Variants in YARS1 observed in about 807,000 individuals in gnomAD.
YARS1 encodes the protein tyrosyl-tRNA synthetase 1.
In YARS1, 36 loss-of-function variants were observed where a neutral mutation model predicts 62.2. The observed-to-expected ratio is 0.58, with a 90% CI of 0.44 to 0.76. The LOEUF (loss-of-function observed/expected upper bound fraction) is 0.76, where lower values mean the gene tolerates loss of function less well. Ranked by LOEUF, YARS1 falls within the 30% of genes least tolerant of loss-of-function variation. The pLI is 0.00. For synonymous variants in YARS1, 234 were observed against 244.9 expected (o/e 0.96, Z 0.42); for missense variants, 524 against 639.8 (o/e 0.82, Z 1.95).
intron 5 of YARS1, among the ~76,000 whole-genome samples, chr1:32,795,383 A>T (rs534184758): frequency 6.6e-6 from 1 of 152,354 alleles, no homozygotes; most frequent in East Asian, 1.9e-4. Flanking sequence ...GGAAAAATGT[A>T]GTAAAACTGT....
chr1:32,796,374 T>C (rs912770760), intron 5 of YARS1, among the ~76,000 whole-genome samples: 16 of 151,662 alleles, frequency 1.1e-4, no homozygotes, highest in African/African-American at 3.4e-4. Flanking sequence ...CTTTTTTGTT[T>C]TTTTTTTCAG....
At chr1:32,796,153 G>C (rs1168602740) in intron 5 of YARS1, among the ~76,000 whole-genome samples, 1 of 151,756 alleles carries the variant, frequency 6.6e-6, no homozygotes, top group East Asian at 1.9e-4. Flanking sequence ...AAATTAGCCG[G>C]GTGTGGTGGC....
Position 32,786,440 on chromosome 1 carries a change from C to T in YARS1, c.828G>A (p.Val276=). ...HVLFPLKSEF[V]ILRDEKWGGN... ...CACCCCATTTCTCATCTCGTAGGAT[C>T]ACAAACTCTATAAGGAAAAGGATCC... Residue 276 remains valine, a synonymous_variant, in exon 8 of 13, where the codon GTG becomes GTA. Transcript: ENST00000373477. 1 of 1,613,644 alleles carries T rather than the reference C, an allele frequency of 6.2e-7. No individual in the cohort carries two copies.
In YARS1 at chr1:32,782,706, C is replaced by T. The variant is rs556722207; in HGVS notation, c.907-167G>A. ...GGGAAAATACATTCAGAAAGACTAA[C>T]GTGTCCAAAATCCAAGTCTTTTGAT... On this transcript the variant is annotated intron_variant, in intron 8 of 12. Transcript: ENST00000373477. 5.7e-5 allele frequency: 49 copies of T among 857,328 alleles called. 1 individual carries two copies. The highest frequency in any genetic ancestry group is 3.7e-4 in the African/African-American group (22 of 59,130). 53.1% of individuals were successfully genotyped at this position (857,328 alleles called of 1,614,324 possible). A position where few individuals can be genotyped will look rare whatever the true frequency, so the allele number is the denominator to read the frequency against.
At chr1:32,793,621 CA>C (rs1302829339) in intron 5 of YARS1, among the ~76,000 whole-genome samples, 1 of 152,072 alleles carries the variant, frequency 6.6e-6, no homozygotes, top group Non-Finnish European at 1.5e-5. Context: ...CTGGGCAATG[CA>C]AGCAAGACCC....
chr1:32,781,697 T>C (rs1367817596), intron 9 of YARS1: 1 of 166,560 alleles, frequency 6.0e-6, no homozygotes, highest in Non-Finnish European at 1.3e-5. Context: ...AGAAGGAAAC[T>C]GGGAGAATCT....
rs1296510587 is a variant in YARS1 at position 32,817,177 on chromosome 1, C to G, written c.57+11G>C. On this transcript the variant is annotated intron_variant, in intron 1 of 12. Transcript: ENST00000373477. ...ATCCCCAACGGCGCATTTCCAACCC[C>G]CAGGCCTGACCTGCAGGTTCCGGGT... 7 of 1,614,038 alleles carry G rather than the reference C, an allele frequency of 4.3e-6. No homozygotes were observed. The highest frequency in any genetic ancestry group is 5.9e-6 in the Non-Finnish European group (7 of 1,179,978).
chr1:32,801,266 C>G (rs1010538540), intron 4 of YARS1, among the ~76,000 whole-genome samples: 2 of 151,540 alleles, frequency 1.3e-5, no homozygotes, highest in African/African-American at 4.9e-5. Flanking sequence ...AGGCATACCT[C>G]AGCGATACTG....
rs1333458547 is a variant in YARS1, at chr1:32,806,494, G to T, written c.498C>A (p.Tyr166Ter). Reference protein sequence around the residue: ...VEHPLLSGLLYPGLQALDEEY... With the variant: ...VEHPLLSGLL ...CCCCCTTAAGTACCTGCAGTCCGGG[G>T]TATAAGAGGCCACTCAGCAAAGGGT... Residue 166 changes from tyrosine (Y) to a stop codon, truncating the protein, a stop_gained, in exon 4 of 13, where the codon TAC becomes TAA. Coordinates refer to ENST00000373477, the MANE Select transcript of YARS1 (RefSeq NM_003680.4). LOFTEE classifies it high-confidence loss of function. 2 of 1,614,094 alleles carry T rather than the reference G, an allele frequency of 1.2e-6. No individual in the cohort carries two copies. Among genetic ancestry groups the T allele is most frequent in the Non-Finnish European group, 1.7e-6 (2 of 1,180,002 alleles).
chr1:32,782,863 C>T (rs1380404748), intron 8 of YARS1: 10 of 352,386 alleles, frequency 2.8e-5, no homozygotes, highest in East Asian at 1.4e-4. Flanking sequence ...GAAACATTCA[C>T]ATAGGTAACC....
At chr1:32,802,426 T>A (rs1342145744) in intron 4 of YARS1, among the ~76,000 whole-genome samples, 1 of 152,166 alleles carries the variant, frequency 6.6e-6, no homozygotes, top group East Asian at 1.9e-4. Flanking sequence ...TGGATCCTTT[T>A]CAGAGGTTTT....
chr1:32,805,612 C>A (rs368100228), intron 4 of YARS1, among the ~76,000 whole-genome samples: 1 of 152,158 alleles, frequency 6.6e-6, no homozygotes, highest in Non-Finnish European at 1.5e-5. Context: ...CGCCTGCCTC[C>A]GCTTTTGACA....
intron 5 of YARS1, chr1:32,797,537 T>C (rs1653645758): frequency 3.5e-6 from 2 of 574,828 alleles, no homozygotes; most frequent in South Asian, 2.0e-5. Context: ...ACCAGGCACA[T>C]GGGCTCTGGA....
intron 12 of YARS1, among the ~76,000 whole-genome samples, chr1:32,778,928 C>T (rs1237281553): frequency 1.3e-5 from 2 of 151,556 alleles, no homozygotes; most frequent in Non-Finnish European, 2.9e-5. Context: ...TTAGTAGAGA[C>T]AGGGTTTCAC....
intron 6 of YARS1, among the ~76,000 whole-genome samples, chr1:32,787,548 T>C (rs785417): frequency 0.97 from 146,234 of 150,902 alleles, 71,010 homozygotes; most frequent in South Asian, 1. Context: ...CTCACTCTGT[T>C]GCCCAGGCTG....
intron 12 of YARS1, 69 bp downstream of exon 12, chr1:32,779,313 G>GT: frequency 6.2e-7 from 1 of 1,613,062 alleles, no homozygotes; most frequent in Non-Finnish European, 8.5e-7. Context: ...TATGGCTTCA[G>GT]TAACAGGACA....
chr1:32,786,922 G>A lies in YARS1; in HGVS notation c.820+18C>T. On this transcript the variant is annotated intron_variant, in intron 7 of 12. Coordinates refer to ENST00000373477, the MANE Select transcript of YARS1 (RefSeq NM_003680.4). ...TCTATTCTAGCCTGGCCTCTAGGAA[G>A]AAAACAGAGAGTGTTACCGGACTTA... The A allele has an allele frequency of 6.2e-7, 1 of 1,613,950 alleles. No individual in the cohort carries two copies. The highest frequency in any genetic ancestry group is 8.5e-7 in the Non-Finnish European group (1 of 1,179,964).
chr1:32,795,695 A>G (rs1209442565), intron 5 of YARS1, among the ~76,000 whole-genome samples: 1 of 151,796 alleles, frequency 6.6e-6, no homozygotes, highest in East Asian at 2.0e-4. Context: ...AGTCCCAGCT[A>G]CTTGGGAGGC....
At position 32,780,228 on chromosome 1, in the gene YARS1, A is replaced by T; in HGVS notation, c.1191T>A (p.Ala397=). 1 of 1,614,156 alleles carries T rather than the reference A, an allele frequency of 6.2e-7. No homozygotes were observed. Among genetic ancestry groups the T allele is most frequent in the Admixed American group, 1.7e-5 (1 of 60,012 alleles). The part of the protein sequence containing the change: ...LYVEKIDVGE[A]EPRTVVSGLV... Reference sequence around the variant, plus strand: ...GGCCGCTCACCACAGTCCGTGGTTCAGCTTCCCCCACGTCAATCTTCTCTA... The same window carrying T: ...GGCCGCTCACCACAGTCCGTGGTTCTGCTTCCCCCACGTCAATCTTCTCTA... The change falls in exon 11 of 13, where the codon GCT becomes GCA. Residue 397 remains alanine (A), a synonymous_variant. Transcript: ENST00000373477.
Sources: gnomAD v4.1 joint callset for allele counts (sites outside exome capture counted in the v4.1 genomes callset) on GRCh38, gnomAD v4.1.1 for gene constraint, MANE v1.5 for transcripts, NCBI Gene and HGNC (gene_info 2026-07-23, HGNC 2026-07-21) for gene names.